CYP2J2: variants seen among roughly 807,000 people sequenced by gnomAD.
CYP2J2 encodes cytochrome P450 2J2.
CYP2J2 carries 41 observed loss-of-function variants against 48.8 expected under a neutral mutation model. The ratio of observed to expected loss-of-function variants is 0.84; its 90% CI spans 0.66 to 1.09. The LOEUF is 1.09. Ranked by LOEUF, CYP2J2 falls within the 50% of genes least tolerant of loss-of-function variation. CYP2J2 has a pLI of 0.00. For missense variants in CYP2J2, 644 were observed against 617.3 expected (o/e 1.04, Z -0.46); for synonymous variants, 221 against 227.1 (o/e 0.97, Z 0.24).
chr1:59,923,201 G>A (rs1557430494), intron 1 of CYP2J2, among the ~76,000 whole-genome samples: 1 of 152,244 alleles, frequency 6.6e-6, no homozygotes, highest in African/African-American at 2.4e-5. Flanking sequence ...TTGCACTGAT[G>A]AGAATGTGAG....
chr1:59,964,375 C>T, the CYP2J2 span, among the ~76,000 whole-genome samples: 1 of 152,202 alleles, frequency 6.6e-6, no homozygotes, highest in African/African-American at 2.4e-5. Flanking sequence ...TCACTTTCTG[C>T]TACTTACGTA....
At chr1:59,922,712 A>G (rs1644528869) in intron 1 of CYP2J2, among the ~76,000 whole-genome samples, 1 of 152,230 alleles carries the variant, frequency 6.6e-6, no homozygotes. Flanking sequence ...TCTATTAATC[A>G]TGACACCAAT....
At chr1:59,915,795 T>A in intron 2 of CYP2J2, 143 bp downstream of exon 2, 1 of 712,006 alleles carries the variant, frequency 1.4e-6, no homozygotes, top group East Asian at 2.7e-5. Flanking sequence ...GAAATGTGAA[T>A]ATCCAGCTTT....
chr1:59,919,662 A>G (rs1207202624), intron 1 of CYP2J2, among the ~76,000 whole-genome samples: 1 of 152,238 alleles, frequency 6.6e-6, no homozygotes, highest in African/African-American at 2.4e-5. Flanking sequence ...GAATCCTTTG[A>G]AAATATAATG....
chr1:59,960,710 G>C, the CYP2J2 span, among the ~76,000 whole-genome samples: 1 of 152,154 alleles, frequency 6.6e-6, no homozygotes, highest in Non-Finnish European at 1.5e-5. Flanking sequence ...GGGCATGGTG[G>C]CAGAGGCCTG....
chr1:59,935,545 T>G, the CYP2J2 span, among the ~76,000 whole-genome samples: 2 of 152,076 alleles, frequency 1.3e-5, no homozygotes, highest in African/African-American at 4.8e-5. Context: ...TATTTACCAA[T>G]TATATTTCAA....
chr1:59,937,305 CAT>C, the CYP2J2 span, among the ~76,000 whole-genome samples: 1 of 152,198 alleles, frequency 6.6e-6, no homozygotes, highest in East Asian at 1.9e-4. Flanking sequence ...CACTTACACT[CAT>C]ATCCCATTGT....
At chr1:59,961,960 G>C in the CYP2J2 span, among the ~76,000 whole-genome samples, 1 of 151,866 alleles carries the variant, frequency 6.6e-6, no homozygotes, top group Non-Finnish European at 1.5e-5. Context: ...GTAGAGACTA[G>C]GATGAGGTAG....
rs368970761 is a variant in CYP2J2 at position 59,895,101 on chromosome 1, A to G, written c.1331-1272T>C. ...TCTCCAACATAGTCAAAATGCAACC[A>G]TCCAAGCCAGGAAATTAACACTGAT... On this transcript the variant is annotated intron_variant, in intron 8 of 8. Coordinates refer to ENST00000371204, the MANE Select transcript of CYP2J2 (RefSeq NM_000775.4). 9.8e-5 allele frequency among the ~76,000 whole-genome samples: 15 copies of G among 152,340 alleles called. No homozygotes were observed. The Middle Eastern group carries it at 0.01, about 104-fold the overall frequency.
chr1:59,911,792 T>C (rs2102124500), intron 3 of CYP2J2, 24 bp from the exon 4 acceptor site: 1 of 1,605,064 alleles, frequency 6.2e-7, no homozygotes, highest in Non-Finnish European at 8.5e-7. Flanking sequence ...AAGGGCAAGA[T>C]GGATCCTTCT....
At chr1:59,949,992 A>T in the CYP2J2 span, among the ~76,000 whole-genome samples, 5 of 152,076 alleles carry the variant, frequency 3.3e-5, no homozygotes, top group Non-Finnish European at 5.9e-5. Flanking sequence ...GACCTGGTGA[A>T]AACTTTTGGG....
chr1:59,947,571 A>G, the CYP2J2 span, among the ~76,000 whole-genome samples: 1 of 151,986 alleles, frequency 6.6e-6, no homozygotes, highest in Admixed American at 6.6e-5. Context: ...TTGCTAGGAG[A>G]GCTTGGCTGT....
the CYP2J2 span, among the ~76,000 whole-genome samples, chr1:59,944,763 A>G: frequency 6.6e-6 from 1 of 152,144 alleles, no homozygotes; most frequent in South Asian, 2.1e-4. Flanking sequence ...ATTTTTAATT[A>G]CATTATTTTA....
chr1:59,926,958 A>G (rs990333542), upstream of CYP2J2, among the ~76,000 whole-genome samples: 1 of 152,210 alleles, frequency 6.6e-6, no homozygotes, highest in Non-Finnish European at 1.5e-5. Flanking sequence ...CTATTTAGAA[A>G]GCTCATGGGT....
rs146633125 is a variant in CYP2J2 at position 59,893,633 on chromosome 1, C to A, written c.*18G>T. 24 of 1,563,868 alleles carry A rather than the reference C, an allele frequency of 1.5e-5. No individual in the cohort carries two copies. The African/African-American group carries it at 2.3e-4, about 15-fold the overall frequency. On this transcript the variant is annotated 3_prime_UTR_variant, in exon 9 of 9. Coordinates refer to ENST00000371204, the MANE Select transcript of CYP2J2 (RefSeq NM_000775.4). ...CCATGTCTTCTTACTTTCCTTGCCC[C>A]TTTCTTTCTTAACAATATTACACCT...
the CYP2J2 span, among the ~76,000 whole-genome samples, chr1:59,935,274 G>T: frequency 5.3e-4 from 80 of 151,850 alleles, no homozygotes; most frequent in Non-Finnish European, 7.2e-4. Flanking sequence ...GGGAGATGTT[G>T]GTTAAAGGGT....
At chr1:59,948,988 G>A in the CYP2J2 span, among the ~76,000 whole-genome samples, 1 of 152,056 alleles carries the variant, frequency 6.6e-6, no homozygotes, top group Non-Finnish European at 1.5e-5. Context: ...CCATGATTGT[G>A]CCTGTGAATG....
At chr1:59,965,427 A>T in the CYP2J2 span, among the ~76,000 whole-genome samples, 13 of 152,350 alleles carry the variant, frequency 8.5e-5, no homozygotes, top group East Asian at 2.5e-3. Flanking sequence ...CACAAATACA[A>T]GACATTTGTC....
the CYP2J2 span, among the ~76,000 whole-genome samples, chr1:59,941,707 C>A: frequency 6.6e-6 from 1 of 151,772 alleles, no homozygotes; most frequent in South Asian, 2.1e-4. Context: ...TAGGCCTAGG[C>A]TAATGAGTGT....
Sources: gnomAD v4.1 joint callset for allele counts (sites outside exome capture counted in the v4.1 genomes callset) on GRCh38, gnomAD v4.1.1 for gene constraint, MANE v1.5 for transcripts, NCBI Gene and HGNC (gene_info 2026-07-23, HGNC 2026-07-21) for gene names.